MYO3B: variants seen among roughly 807,000 people sequenced by gnomAD.
MYO3B encodes the protein myosin-IIIb.
Under a neutral mutation model 174.6 loss-of-function variants are expected in MYO3B, and 156 were observed. The ratio of observed to expected loss-of-function variants is 0.89; its 90% confidence interval spans 0.78 to 1.02. The LOEUF (loss-of-function observed/expected upper bound fraction) is 1.02. Ranked by LOEUF, MYO3B falls within the 50% of genes least tolerant of loss-of-function variation. The pLI is 0.00. For synonymous variants in MYO3B, 563 were observed against 569.1 expected (o/e 0.99, Z 0.15); for missense variants, 1,632 against 1,639.4 (o/e 1.00, Z 0.08).
At chr2:170,333,829 A>G (rs2093928448) in intron 7 of MYO3B, 1 of 152,214 alleles carries the variant, frequency 6.6e-6, no homozygotes. Context: ...TTGTGCTTCT[A>G]GTATATCACT....
intron 22 of MYO3B, among the ~76,000 whole-genome samples, chr2:170,439,701 GAC>G (rs1459304864): frequency 1.3e-5 from 2 of 151,954 alleles, no homozygotes; most frequent in African/African-American, 4.8e-5. Flanking sequence ...CTTTTTTTGA[GAC>G]AGAGTCTCGC....
At chr2:170,625,098 A>G (rs1696292243) in intron 32 of MYO3B, among the ~76,000 whole-genome samples, 1 of 152,172 alleles carries the variant, frequency 6.6e-6, no homozygotes, top group African/African-American at 2.4e-5. Flanking sequence ...ATTAGGGAGG[A>G]TTTCGTCTTT....
chr2:170,643,760 C>G (rs1698157779), intron 32 of MYO3B: 1 of 152,212 alleles, frequency 6.6e-6, no homozygotes, highest in East Asian at 1.9e-4. Context: ...ATGGCTCTCC[C>G]AGGATATTCT....
chr2:170,556,273 A>C (rs1212188159), intron 32 of MYO3B, among the ~76,000 whole-genome samples: 1 of 152,134 alleles, frequency 6.6e-6, no homozygotes, highest in Non-Finnish European at 1.5e-5. Flanking sequence ...AGTTTGGACA[A>C]TTATGAGTGA....
intron 7 of MYO3B, among the ~76,000 whole-genome samples, chr2:170,241,515 G>A (rs764232337): frequency 8.5e-5 from 13 of 152,238 alleles, no homozygotes; most frequent in Non-Finnish European, 1.6e-4. Flanking sequence ...TGGGTTGGGT[G>A]CTTGAGTTGC....
chr2:170,482,086 G>A (rs1347388628), intron 25 of MYO3B, among the ~76,000 whole-genome samples: 1 of 152,036 alleles, frequency 6.6e-6, no homozygotes, highest in African/African-American at 2.4e-5. Flanking sequence ...CCTTGTTGTT[G>A]TAGTGATAGT....
Position 170,436,361 on chromosome 2 carries a change from T to TGC in MYO3B, c.2651-7603_2651-7602dup, listed in dbSNP as rs1270958177. Among the ~76,000 whole-genome samples, 17 of 152,206 alleles carry TGC rather than the reference T, an allele frequency of 1.1e-4. No individual in the cohort carries two copies. In the South Asian group the frequency reaches 1.2e-3, roughly 11 times the overall value. ...TGGTTATGTTTCTGAAAGGTGTGTGTGCGCATCTGCTGAGGTCTATTGTTT... is the reference window on the plus strand; with the variant it reads ...TGGTTATGTTTCTGAAAGGTGTGTGTGCGCGCATCTGCTGAGGTCTATTGTTT... On this transcript the variant is annotated intron_variant, in intron 22 of 34. Coordinates refer to ENST00000408978, the MANE Select transcript of MYO3B (RefSeq NM_138995.5).
chr2:170,449,734 G>A (rs890871735), intron 23 of MYO3B, among the ~76,000 whole-genome samples: 11 of 151,684 alleles, frequency 7.3e-5, no homozygotes, highest in South Asian at 4.2e-4. Flanking sequence ...CTGAGATCGC[G>A]CCGTTGCACT....
At chr2:170,299,941 T>C (rs2093654781) in intron 7 of MYO3B, among the ~76,000 whole-genome samples, 1 of 152,212 alleles carries the variant, frequency 6.6e-6, no homozygotes, top group Non-Finnish European at 1.5e-5. Context: ...TGGAATGAGA[T>C]TGTAGCATCG....
chr2:170,481,380 T>C (rs1685681464), intron 25 of MYO3B, among the ~76,000 whole-genome samples: 1 of 152,146 alleles, frequency 6.6e-6, no homozygotes, highest in South Asian at 2.1e-4. Flanking sequence ...AGCCCAGTCA[T>C]TCGAGACCTG....
At position 170,398,434 on chromosome 2, in the gene MYO3B, A is replaced by AT. The variant is rs566614796; in HGVS notation, c.1792-1752dup. Among the ~76,000 whole-genome samples, 6 of 152,166 alleles carry AT rather than the reference A, an allele frequency of 3.9e-5. No individual in the cohort carries two copies. In the South Asian group the frequency reaches 1.0e-3, roughly 26 times the overall value. ...ACGGAGGTTCCATTATATTCACATG[A>AT]TTGGTTAATCATTGACCATTAGTGA... On this transcript the variant is annotated intron_variant, in intron 16 of 34. Transcript: ENST00000408978.
Position 170,466,672 on chromosome 2 carries a change from G to T in MYO3B, c.2975G>T (p.Gly992Val), listed in dbSNP as rs764987750. The T allele has an allele frequency of 1.2e-6, 2 of 1,614,126 alleles. No individual in the cohort carries two copies. The highest frequency in any genetic ancestry group is 3.3e-5 in the Admixed American group (2 of 60,012). ...GAGACAGTCAGCATCCGCCGCCAGG[G>T]CTATTCCCACCGCATCCTTTTTGAA... ...ILETVSIRRQ[G>V]YSHRILFEEF... The change falls in exon 25 of 35, where the codon GGC (glycine) becomes GTC (valine). Residue 992 changes from glycine (G) to valine (V), a missense_variant. Gly to Val is a moderately radical substitution (Grantham distance 109). Coordinates refer to ENST00000408978, the MANE Select transcript of MYO3B (RefSeq NM_138995.5).
At chr2:170,568,923 C>G (rs1692243242) in intron 32 of MYO3B, among the ~76,000 whole-genome samples, 2 of 152,014 alleles carry the variant, frequency 1.3e-5, no homozygotes, top group East Asian at 3.9e-4. Flanking sequence ...AAAAGGTCTA[C>G]AAAAAATGAA....
intron 1 of MYO3B, 71 bp from the exon 2 acceptor site, chr2:170,199,137 T>G: frequency 9.3e-7 from 1 of 1,071,532 alleles, no homozygotes; most frequent in South Asian, 2.7e-5. Flanking sequence ...AATAAAAATC[T>G]TTTTGTTTCA....
intron 28 of MYO3B, among the ~76,000 whole-genome samples, chr2:170,504,155 G>T (rs1687471638): frequency 6.6e-6 from 1 of 152,200 alleles, no homozygotes; most frequent in Non-Finnish European, 1.5e-5. Flanking sequence ...TTAGGAGCCT[G>T]CAGGAAGTGG....
chr2:170,360,625 G>A (rs775513400), intron 8 of MYO3B, among the ~76,000 whole-genome samples: 1 of 152,226 alleles, frequency 6.6e-6, no homozygotes, highest in African/African-American at 2.4e-5. Context: ...TGGTTTGAAT[G>A]TGTCTCCTCC....
intron 7 of MYO3B, among the ~76,000 whole-genome samples, chr2:170,238,342 C>T (rs528693449): frequency 6.6e-6 from 1 of 152,162 alleles, no homozygotes; most frequent in South Asian, 2.1e-4. Context: ...AGTTCAGTGC[C>T]TGTCTGTCTG....
At chr2:170,290,640 T>G (rs143294762) in intron 7 of MYO3B, among the ~76,000 whole-genome samples, 126 of 152,326 alleles carry the variant, frequency 8.3e-4, no homozygotes, top group East Asian at 7.9e-3. Flanking sequence ...TCAGCCACTC[T>G]CTAACTTTTA....
intron 1 of MYO3B, among the ~76,000 whole-genome samples, chr2:170,179,174 TGC>T (rs1362450513): frequency 6.6e-6 from 1 of 152,128 alleles, no homozygotes; most frequent in Non-Finnish European, 1.5e-5. Context: ...GTAACAAACC[TGC>T]ACGTCCTGCA....
Sources: allele counts gnomAD v4.1 joint callset (sites outside exome capture counted in the v4.1 genomes callset), GRCh38; gene constraint gnomAD v4.1.1; transcripts MANE v1.5; gene names NCBI Gene and HGNC (gene_info 2026-07-23, HGNC 2026-07-21).